Variants in DDX21 observed in about 807,000 individuals in gnomAD.
DDX21 encodes nucleolar RNA helicase 2.
DDX21 carries 18 observed loss-of-function variants against 90.0 expected under a neutral mutation model. That is an observed-to-expected ratio of 0.20 (90% confidence interval 0.14 to 0.30). The LOEUF (loss-of-function observed/expected upper bound fraction) is 0.30. Ranked by LOEUF, DDX21 falls within the 10% of genes least tolerant of loss-of-function variation. DDX21 has a pLI of 1.00. For missense variants in DDX21, 673 were observed against 944.5 expected (o/e 0.71, Z 3.77); for synonymous variants, 294 against 318.0 (o/e 0.92, Z 0.80).
At chr10:68,974,323 A>G (rs1436542462) in intron 10 of DDX21, among the ~76,000 whole-genome samples, 2 of 152,212 alleles carry the variant, frequency 1.3e-5, no homozygotes, top group African/African-American at 2.4e-5. Context: ...ACTGAGGGAC[A>G]TTCTACAAAA....
rs1486517107 is a variant in DDX21 at position 68,967,160 on chromosome 10, T to C, written c.1047T>C (p.Phe349=). 1 of 1,611,626 alleles carries C rather than the reference T, an allele frequency of 6.2e-7. No individual in the cohort carries two copies. The highest frequency in any genetic ancestry group is 8.5e-7 in the Non-Finnish European group (1 of 1,178,942). The change falls in exon 6 of 15, where the codon TTT becomes TTC. Residue 349 remains phenylalanine (F), a synonymous_variant. Coordinates refer to ENST00000354185, the MANE Select transcript of DDX21 (RefSeq NM_004728.4). ...DEVDQMLDMG[F]ADQVEEILSV... ...TGGACCAGATGTTGGATATGGGATT[T>C]GCTGATCAAGTGGAAGAGATTTTAA... is the stretch of plus-strand genomic sequence containing the variant.
Position 68,981,193 on chromosome 10 carries a change from C to T in DDX21, c.2038-344C>T, listed in dbSNP as rs551488935. On this transcript the variant is annotated intron_variant, in intron 13 of 14. Coordinates refer to ENST00000354185, the MANE Select transcript of DDX21 (RefSeq NM_004728.4). ...CTTGTGCCATTTAATAGCTGTGGGG[C>T]CTTAGACAAGTCAGCTAACCTTTCC... Among the ~76,000 whole-genome samples the T allele has an allele frequency of 1.8e-4, 27 of 152,252 alleles. No individual in the cohort carries two copies. In the South Asian group the frequency reaches 5.6e-3, roughly 32 times the overall value.
At chr10:68,956,333 G>A (rs369746986) in intron 1 of DDX21, 21 bp downstream of exon 1, 1 of 1,613,932 alleles carries the variant, frequency 6.2e-7, no homozygotes, top group Non-Finnish European at 8.5e-7. Context: ...GGGACCTGGG[G>A]CCAGGAGGGA....
chr10:68,964,325 C>T (rs1178817042), intron 4 of DDX21, among the ~76,000 whole-genome samples: 3 of 152,158 alleles, frequency 2.0e-5, no homozygotes, highest in African/African-American at 7.2e-5. Context: ...GCTCACTGGC[C>T]TTCCAGTGTC....
At chr10:68,975,602 A>G (rs1843086999) in intron 11 of DDX21, among the ~76,000 whole-genome samples, 1 of 152,206 alleles carries the variant, frequency 6.6e-6, no homozygotes, top group South Asian at 2.1e-4. Context: ...GAAATCCTGG[A>G]TGTCAATCAG....
intron 1 of DDX21, among the ~76,000 whole-genome samples, chr10:68,957,866 G>C (rs2132077093): frequency 6.6e-6 from 1 of 152,218 alleles, no homozygotes; most frequent in African/African-American, 2.4e-5. Flanking sequence ...TTGTTCTGGG[G>C]CTCTGCCAGA....
At position 68,967,215 on chromosome 10, in the gene DDX21, AT is replaced by A. The variant is rs1842951352; in HGVS notation, c.1090+14del. ...GGCATACAAGAAAGGTAATCCACAA[AT>A]TCAAGAAGCTGATAAAAAAGACCAA... On this transcript the variant is annotated intron_variant, in intron 6 of 14. Transcript: ENST00000354185. 2 of 1,603,172 alleles carry A rather than the reference AT, an allele frequency of 1.2e-6. No homozygotes were observed. The highest frequency in any genetic ancestry group is 2.7e-5 in the African/African-American group (2 of 74,392).
At chr10:68,981,662 G>A in intron 14 of DDX21, 81 bp downstream of exon 14, 2 of 1,207,388 alleles carry the variant, frequency 1.7e-6, no homozygotes, top group Admixed American at 3.9e-5. Context: ...TAATAGATTG[G>A]GAAACAATAG....
At chr10:68,970,103 C>A in intron 7 of DDX21, 98 bp from the exon 8 acceptor site, 1 of 1,180,608 alleles carries the variant, frequency 8.5e-7, no homozygotes, top group Non-Finnish European at 1.2e-6. Flanking sequence ...AGGAGCAAGA[C>A]ATTAGAACAT....
In DDX21 at chr10:68,959,943, A is replaced by G. The variant is rs1372982031; in HGVS notation, c.225A>G (p.Lys75=). 7.5e-6 allele frequency: 12 copies of G among 1,610,732 alleles called. No homozygotes were observed. Among genetic ancestry groups the G allele is most frequent in the Non-Finnish European group, 9.3e-6 (11 of 1,179,554 alleles). The change falls in exon 2 of 15, where the codon AAA becomes AAG. Residue 75 remains lysine, a synonymous_variant. Coordinates refer to ENST00000354185, the MANE Select transcript of DDX21 (RefSeq NM_004728.4). ...TTGACATGAATTCTCCTAAATCCAAAAAGGCAAAAAAGAAAGAGGAGCCAT... is the reference window on the plus strand; with the variant it reads ...TTGACATGAATTCTCCTAAATCCAAGAAGGCAAAAAAGAAAGAGGAGCCAT... ...SEVDMNSPKS[K]KAKKKEEPSQ...
chr10:68,958,216 C>T (rs982193477), intron 1 of DDX21, among the ~76,000 whole-genome samples: 2 of 152,088 alleles, frequency 1.3e-5, no homozygotes, highest in South Asian at 2.1e-4. Context: ...TCAGGTGATC[C>T]GCCCACCTCG....
At chr10:68,961,176 AATCCCGC>A (rs1842868389) in intron 2 of DDX21, among the ~76,000 whole-genome samples, 1 of 152,150 alleles carries the variant, frequency 6.6e-6, no homozygotes, top group Non-Finnish European at 1.5e-5. Flanking sequence ...TTCAAGCGAT[AATCCCGC>A]CTAAGCCTCC....
chr10:68,958,116 T>TTTA (rs963638264), intron 1 of DDX21, among the ~76,000 whole-genome samples: 1 of 152,070 alleles, frequency 6.6e-6, no homozygotes, highest in Non-Finnish European at 1.5e-5. Context: ...GTCTCTTTAT[T>TTTA]TTATTATTAT....
intron 13 of DDX21, among the ~76,000 whole-genome samples, chr10:68,979,791 C>T (rs1225582517): frequency 6.6e-6 from 1 of 152,190 alleles, no homozygotes; most frequent in African/African-American, 2.4e-5. Context: ...GATAAAGTCT[C>T]AACCCTTTCA....
chr10:68,977,636 A>T lies in DDX21; in HGVS notation c.1850A>T (p.His617Leu). The change falls in exon 12 of 15, where the codon CAT (histidine) becomes CTT (leucine). Residue 617 changes from histidine to leucine, a missense_variant. His to Leu is a moderately conservative substitution (Grantham distance 99, BLOSUM62 -3). This residue lies in a region of DDX21 where 225 missense variants were observed against 298.8 expected (regional missense o/e 0.75). Coordinates refer to ENST00000354185, the MANE Select transcript of DDX21 (RefSeq NM_004728.4). Reference protein sequence around the residue: ...AVEALAAALAHISGATSVDQR... With the variant: ...AVEALAAALALISGATSVDQR... ...GAAGCTCTGGCAGCAGCACTGGCCCATATTTCAGGTGCCACGTCCGTAGAC... is the reference window on the plus strand; with the variant it reads ...GAAGCTCTGGCAGCAGCACTGGCCCTTATTTCAGGTGCCACGTCCGTAGAC... 1.2e-6 allele frequency: 2 copies of T among 1,613,866 alleles called. No individual in the cohort carries two copies. The highest frequency in any genetic ancestry group is 1.7e-6 in the Non-Finnish European group (2 of 1,179,766).
chr10:68,958,772 G>T (rs1191223209), intron 1 of DDX21, among the ~76,000 whole-genome samples: 1 of 151,968 alleles, frequency 6.6e-6, no homozygotes, highest in African/African-American at 2.4e-5. Context: ...ACGGGGTCTC[G>T]CTATATTGTC....
At position 68,960,276 on chromosome 10, in the gene DDX21, GAT is replaced by G. The variant is rs1355066652; in HGVS notation, c.531+30_531+31del. On this transcript the variant is annotated intron_variant, in intron 2 of 14. Transcript: ENST00000354185. Reference sequence around the variant, plus strand: ...TACATTTGCACTTCATTGGGTAGAAGATATCTTTCATTGTTGTTTCAGATAAA... The same window carrying G: ...TACATTTGCACTTCATTGGGTAGAAGATCTTTCATTGTTGTTTCAGATAAA... The G allele has an allele frequency of 5.8e-6, 9 of 1,560,076 alleles. No homozygotes were observed. The Admixed American group carries it at 1.5e-4, about 26-fold the overall frequency.
At chr10:68,972,374 A>G (rs1843037960) in intron 9 of DDX21, among the ~76,000 whole-genome samples, 1 of 152,182 alleles carries the variant, frequency 6.6e-6, no homozygotes. Context: ...AGCCTAGAGG[A>G]CAGGGGAGAG....
chr10:68,973,967 G>T (rs1216931307), intron 10 of DDX21, among the ~76,000 whole-genome samples: 2 of 152,084 alleles, frequency 1.3e-5, no homozygotes, highest in South Asian at 2.1e-4. Context: ...ATGAATGAGG[G>T]TATGTCAAAA....
Sources: allele counts gnomAD v4.1 joint callset (sites outside exome capture counted in the v4.1 genomes callset), GRCh38; gene constraint gnomAD v4.1.1; regional missense constraint gnomAD v4.1.1; transcripts MANE v1.5; gene names NCBI Gene and HGNC (gene_info 2026-07-23, HGNC 2026-07-21).